The following WDR47 variants were observed in gnomAD, a reference collection of about 807,000 sequenced individuals.
WDR47 encodes WD repeat-containing protein 47.
In WDR47, 32 loss-of-function variants were observed where a neutral mutation model predicts 97.2. The ratio of observed to expected loss-of-function variants is 0.33; its 90% CI spans 0.25 to 0.44. The LOEUF (loss-of-function observed/expected upper bound fraction) is 0.44, where lower values mean the gene tolerates loss of function less well. Ranked by LOEUF, WDR47 falls within the 20% of genes least tolerant of loss-of-function variation. The pLI, the probability that WDR47 is intolerant of heterozygous loss-of-function variation, is 1.00. For synonymous variants in WDR47, 375 were observed against 373.5 expected, an observed-to-expected ratio of 1.00 and a Z score of -0.05; for missense variants, 782 against 1,102.3, an observed-to-expected ratio of 0.71 and a Z score of 4.11.
At chr1:109,020,275 C>T (rs1206355355) in intron 2 of WDR47, among the ~76,000 whole-genome samples, 1 of 148,000 alleles carries the variant, frequency 6.8e-6, no homozygotes, top group South Asian at 2.1e-4. Context: ...CTTGCTCTGT[C>T]GCCCAGGCTG....
At chr1:109,033,975 G>C (rs990768083) in intron 1 of WDR47, among the ~76,000 whole-genome samples, 1 of 152,168 alleles carries the variant, frequency 6.6e-6, no homozygotes, top group Non-Finnish European at 1.5e-5. Context: ...GAGAGAATTT[G>C]ACAGCATGAA....
intron 1 of WDR47, among the ~76,000 whole-genome samples, chr1:109,032,495 G>A (rs1219142211): frequency 3.3e-5 from 4 of 120,530 alleles, no homozygotes; most frequent in Non-Finnish European, 5.1e-5. Flanking sequence ...GCGACAGAGC[G>A]AGACTGTCTC....
chr1:109,021,266 G>T (rs971989021), intron 2 of WDR47, among the ~76,000 whole-genome samples: 1 of 152,116 alleles, frequency 6.6e-6, no homozygotes, highest in Non-Finnish European at 1.5e-5. Flanking sequence ...AGTGGCTCAT[G>T]TCTGTAATCC....
chr1:108,985,976 C>CAAAAAAAAAAA (rs35165386), intron 10 of WDR47, among the ~76,000 whole-genome samples: 4 of 96,170 alleles, frequency 4.2e-5, no homozygotes, highest in African/African-American at 3.7e-5. Flanking sequence ...ATAGAGATAG[C>CAAAAAAAAAAA]AAAAAAAAAA....
chr1:109,004,434 G>A (rs1660434081), intron 6 of WDR47, among the ~76,000 whole-genome samples, 158 bp downstream of exon 6: 1 of 152,128 alleles, frequency 6.6e-6, no homozygotes. Flanking sequence ...CCACATATTC[G>A]TTGAAGAGAG....
At chr1:109,030,398 A>T (rs1662533909) in intron 1 of WDR47, 4 of 423,444 alleles carry the variant, frequency 9.4e-6, no homozygotes, top group Non-Finnish European at 1.6e-5. Flanking sequence ...AAATAAAATA[A>T]AATAAAAATT....
intron 5 of WDR47, among the ~76,000 whole-genome samples, chr1:109,009,189 G>C (rs1324088099): frequency 2.6e-5 from 4 of 152,182 alleles, no homozygotes; most frequent in Non-Finnish European, 5.9e-5. Context: ...AATGTGAAAA[G>C]GTTTCATTTT....
Position 109,011,432 on chromosome 1 carries a change from T to G in WDR47, c.614A>C (p.Glu205Ala). ...ACTCTGACAAAATTCTACACAGCATTCATAAAGCAGGCCTTTCATTACAAG... is the reference window on the plus strand; with the variant it reads ...ACTCTGACAAAATTCTACACAGCATGCATAAAGCAGGCCTTTCATTACAAG... The part of the protein sequence containing the change: ...FQLVMKGLLY[E>A]CCVEFCQSKA... The change falls in exon 5 of 15, where the codon GAA becomes GCA. Residue 205 changes from glutamate (E) to alanine (A), a missense_variant. This residue lies in a region of WDR47 where 428 missense variants were observed against 584.3 expected (regional missense o/e 0.73). Coordinates refer to ENST00000369962, the MANE Select transcript of WDR47 (RefSeq NM_001142551.2). 1 of 1,614,196 alleles carries G rather than the reference T, an allele frequency of 6.2e-7. No homozygotes were observed. Among genetic ancestry groups the G allele is most frequent in the Non-Finnish European group, 8.5e-7 (1 of 1,180,034 alleles).
chr1:108,978,073 T>A (rs756053926), intron 13 of WDR47, among the ~76,000 whole-genome samples: 9 of 151,848 alleles, frequency 5.9e-5, no homozygotes, highest in Non-Finnish European at 1.2e-4. Flanking sequence ...AGTTCCAAGC[T>A]GTATATACTG....
chr1:108,990,285 T>C (rs903559552), intron 9 of WDR47, among the ~76,000 whole-genome samples: 6 of 152,128 alleles, frequency 3.9e-5, no homozygotes, highest in Non-Finnish European at 5.9e-5. Context: ...CTTGGCTCAC[T>C]GCAACCTCTG....
chr1:109,039,509 T>C (rs1663200281), intron 1 of WDR47, among the ~76,000 whole-genome samples: 1 of 152,204 alleles, frequency 6.6e-6, no homozygotes. Flanking sequence ...CCGCCCGCTT[T>C]GGCCTCCCAA....
chr1:108,975,607 C>T (rs958658240), intron 13 of WDR47, among the ~76,000 whole-genome samples: 11 of 150,110 alleles, frequency 7.3e-5, no homozygotes, highest in African/African-American at 1.7e-4. Flanking sequence ...GGCGACAGAG[C>T]GAGACTCCAT....
chr1:108,988,986 G>A (rs1659094692), intron 9 of WDR47, among the ~76,000 whole-genome samples: 1 of 152,106 alleles, frequency 6.6e-6, no homozygotes, highest in African/African-American at 2.4e-5. Context: ...TCGAACCCCT[G>A]AGCTCAAGTG....
chr1:109,027,069 T>A (rs1662262506), intron 1 of WDR47, among the ~76,000 whole-genome samples: 1 of 152,164 alleles, frequency 6.6e-6, no homozygotes, highest in Admixed American at 6.6e-5. Context: ...AGAATTTTTT[T>A]TTTTTAAGGC....
chr1:109,039,156 C>T (rs1210067407), intron 1 of WDR47, among the ~76,000 whole-genome samples: 1 of 152,036 alleles, frequency 6.6e-6, no homozygotes, highest in Non-Finnish European at 1.5e-5. Flanking sequence ...TATGTATTAA[C>T]AACATGCTAC....
chr1:109,041,367 G>A (rs1181006543), intron 1 of WDR47, among the ~76,000 whole-genome samples: 2 of 152,090 alleles, frequency 1.3e-5, no homozygotes, highest in Non-Finnish European at 1.5e-5. Flanking sequence ...GCCAAAACCG[G>A]CCCCAGCGGG....
intron 7 of WDR47, among the ~76,000 whole-genome samples, chr1:109,001,777 G>A (rs1660210306): frequency 6.6e-6 from 1 of 152,108 alleles, no homozygotes; most frequent in Non-Finnish European, 1.5e-5. Flanking sequence ...TGTAGCGCCA[G>A]CTACGCAGGA....
intron 2 of WDR47, among the ~76,000 whole-genome samples, chr1:109,019,437 T>C (rs540141257): frequency 5.5e-4 from 83 of 149,758 alleles, no homozygotes; most frequent in Admixed American, 3.3e-4. Flanking sequence ...AATCCCAACA[T>C]GTTAGGAGGC....
intron 1 of WDR47, among the ~76,000 whole-genome samples, chr1:109,033,780 G>C (rs1390611855): frequency 6.6e-6 from 1 of 152,186 alleles, no homozygotes; most frequent in Non-Finnish European, 1.5e-5. Context: ...TTAGCTGGAC[G>C]TGATGGCACA....
Sources: gnomAD v4.1 joint callset for allele counts (sites outside exome capture counted in the v4.1 genomes callset) on GRCh38, gnomAD v4.1.1 for gene constraint, gnomAD v4.1.1 regional missense constraint, MANE v1.5 for transcripts, NCBI Gene and HGNC (gene_info 2026-07-23, HGNC 2026-07-21) for gene names.